The following CSMD2 variants were observed in gnomAD, a reference collection of about 807,000 sequenced individuals.
CSMD2 encodes CUB and sushi domain-containing protein 2.
CSMD2 carries 130 observed loss-of-function variants against 398.5 expected under a neutral mutation model. The observed-to-expected ratio is 0.33, with a 90% confidence interval of 0.28 to 0.38. The LOEUF (loss-of-function observed/expected upper bound fraction) is 0.38. CSMD2 is among the 10% of genes least tolerant of loss of function. CSMD2 has a pLI of 1.00. For synonymous variants in CSMD2, 1,828 were observed against 1,908.5 expected (o/e 0.96, Z 1.10); for missense variants, 3,829 against 4,764.9 (o/e 0.80, Z 5.78).
chr1:34,061,435 A>G (rs965024263), intron 2 of CSMD2, among the ~76,000 whole-genome samples: 3 of 152,142 alleles, frequency 2.0e-5, no homozygotes, highest in Non-Finnish European at 2.9e-5. Flanking sequence ...TCACCATGGA[A>G]GACCATGCCC....
At chr1:34,042,774 T>C (rs1652004139) in intron 2 of CSMD2, among the ~76,000 whole-genome samples, 1 of 152,098 alleles carries the variant, frequency 6.6e-6, no homozygotes, top group African/African-American at 2.4e-5. Context: ...CTTTGGTCTT[T>C]CCCCCTCTAC....
intron 21 of CSMD2, among the ~76,000 whole-genome samples, chr1:33,709,704 A>T (rs978898785): frequency 6.6e-6 from 1 of 152,206 alleles, no homozygotes; most frequent in African/African-American, 2.4e-5. Context: ...AGGGGGCAAG[A>T]TCACATCATA....
intron 55 of CSMD2, among the ~76,000 whole-genome samples, chr1:33,550,666 C>G (rs973672424): frequency 6.6e-6 from 1 of 152,178 alleles, no homozygotes; most frequent in East Asian, 1.9e-4. Context: ...TGTCTCTGGG[C>G]AGGAAGGTGG....
chr1:33,580,397 TTGCTGCA>T (rs2148723901), intron 48 of CSMD2, among the ~76,000 whole-genome samples: 1 of 152,352 alleles, frequency 6.6e-6, no homozygotes, highest in East Asian at 1.9e-4. Context: ...AGCCCATCCT[TTGCTGCA>T]TGCTTAACAT....
intron 3 of CSMD2, among the ~76,000 whole-genome samples, chr1:34,023,947 C>T (rs533049016): frequency 6.6e-6 from 1 of 151,356 alleles, no homozygotes; most frequent in African/African-American, 2.4e-5. Flanking sequence ...CTGTGCCAGG[C>T]ACTTGTCACG....
intron 3 of CSMD2, among the ~76,000 whole-genome samples, chr1:33,979,363 C>T (rs973388616): frequency 7.0e-6 from 1 of 143,290 alleles, no homozygotes; most frequent in Non-Finnish European, 1.6e-5. Flanking sequence ...CCTATGGCAT[C>T]TTTGAATTAA....
At chr1:34,102,266 A>G (rs1281897220) in intron 1 of CSMD2, among the ~76,000 whole-genome samples, 1 of 152,054 alleles carries the variant, frequency 6.6e-6, no homozygotes, top group Non-Finnish European at 1.5e-5. Flanking sequence ...TCCTGACCTC[A>G]TGATCCACCC....
At chr1:33,693,340 A>G (rs1645305494) in intron 24 of CSMD2, among the ~76,000 whole-genome samples, 1 of 152,236 alleles carries the variant, frequency 6.6e-6, no homozygotes, top group Non-Finnish European at 1.5e-5. Context: ...CAATACATAC[A>G]TGAAAAGATG....
At chr1:33,645,326 A>G (rs1643358105) in intron 29 of CSMD2, among the ~76,000 whole-genome samples, 2 of 145,898 alleles carry the variant, frequency 1.4e-5, no homozygotes, top group South Asian at 4.5e-4. Context: ...TAGAGTGTTT[A>G]GTACATATGG....
intron 2 of CSMD2, among the ~76,000 whole-genome samples, chr1:34,083,629 T>C (rs1203065499): frequency 6.6e-6 from 1 of 152,196 alleles, no homozygotes; most frequent in Non-Finnish European, 1.5e-5. Context: ...AATGACACAC[T>C]AGTAGACCGG....
At chr1:33,571,431 G>A in intron 51 of CSMD2, 101 bp downstream of exon 51, 1 of 869,502 alleles carries the variant, frequency 1.2e-6, no homozygotes, top group Non-Finnish European at 1.6e-6. Context: ...GCAATCCCTG[G>A]TGATACCCCT....
rs55933415 is a variant in CSMD2, at chr1:33,591,653, C to T, written c.6857-4485G>A. Among the ~76,000 whole-genome samples the T allele has an allele frequency of 9.3e-3, 1,413 of 152,214 alleles. 6 individuals are homozygous for T. Among genetic ancestry groups the T allele is most frequent in the Non-Finnish European group, 0.014 (922 of 68,002 alleles). On this transcript the variant is annotated intron_variant, in intron 44 of 70. Transcript: ENST00000373381. ...TATTTTCTTTTTAGAGACAGGTTCT[C>T]ATTCTGTCACCCAGGCTGGAGTGCA...
chr1:34,141,272 A>G (rs886078516), intron 1 of CSMD2, among the ~76,000 whole-genome samples: 5 of 152,040 alleles, frequency 3.3e-5, no homozygotes, highest in East Asian at 3.9e-4. Context: ...AGCCCCTACT[A>G]TGTGGAAGAC....
intron 2 of CSMD2, among the ~76,000 whole-genome samples, chr1:34,081,255 C>CCCCA (rs1404727781): frequency 6.6e-6 from 1 of 152,098 alleles, no homozygotes; most frequent in Non-Finnish European, 1.5e-5. Context: ...CTCTCCACAC[C>CCCCA]CCCAGAGTAG....
rs559725357 is a variant in CSMD2, at chr1:33,604,354, C to A, written c.6532+928G>T. On this transcript the variant is annotated intron_variant, in intron 42 of 70. Coordinates refer to ENST00000373381, the MANE Select transcript of CSMD2 (RefSeq NM_001281956.2). ...TAGAAATCATGGTTTTACATTCCAA[C>A]ACCAGAACGGCTCAGTTTCGCAAAC... Among the ~76,000 whole-genome samples, 5 of 152,340 alleles carry A rather than the reference C, an allele frequency of 3.3e-5. No individual in the cohort carries two copies. In the South Asian group the frequency reaches 1.0e-3, roughly 32 times the overall value.
Position 33,519,529 on chromosome 1 carries a change from T to G in CSMD2, c.10885A>C (p.Thr3629Pro). Residue 3629 changes from threonine to proline, a missense_variant, in exon 70 of 71, where the codon ACA (threonine) becomes CCA (proline). Thr to Pro is a conservative substitution (Grantham distance 38, BLOSUM62 -1). Around this residue, in one of 5 missense-constraint regions of CSMD2, gnomAD observed 917 missense variants for 1,199.5 expected, o/e 0.76. Coordinates refer to ENST00000373381, the MANE Select transcript of CSMD2 (RefSeq NM_001281956.2). The surrounding 1 kb of genome is among the most constrained non-coding windows in gnomAD (Gnocchi z 5.6). ...GCCAGGCCGGGTGGCTATACTGCTG[T>G]GCACACTGTGCTGACTGTGAACTCC... The part of the protein sequence containing the change: ...EAEFTVSTVC[T>P]AV The G allele has an allele frequency of 6.2e-7, 1 of 1,613,784 alleles. No homozygotes were observed. The highest frequency in any genetic ancestry group is 1.3e-5 in the African/African-American group (1 of 74,980).
intron 58 of CSMD2, among the ~76,000 whole-genome samples, chr1:33,541,880 T>C (rs1656378484): frequency 6.6e-6 from 1 of 152,148 alleles, no homozygotes; most frequent in African/African-American, 2.4e-5. Flanking sequence ...TGCTGAGGGG[T>C]ACATCTTATC....
rs542470520 is a variant in CSMD2 at position 34,140,321 on chromosome 1, A to C, written c.187+24590T>G. ...AAAAACAAACAAACAAACAAACAAA[A>C]AAAAACCCAGCGGCAGAAGAAAGCA... On this transcript the variant is annotated intron_variant, in intron 1 of 70. Coordinates refer to ENST00000373381, the MANE Select transcript of CSMD2 (RefSeq NM_001281956.2). Among the ~76,000 whole-genome samples the C allele has an allele frequency of 2.0e-4, 22 of 108,014 alleles. No individual in the cohort carries two copies. In the South Asian group the frequency reaches 2.1e-3, roughly 10 times the overall value. The allele number at this position is 108,014 out of a possible 152,430, so 70.9% of individuals were successfully genotyped here. A position where few individuals can be genotyped will look rare whatever the true frequency, so the allele number is the denominator to read the frequency against.
Position 33,819,841 on chromosome 1 carries a change from G to A in CSMD2, c.1200-4C>T. The A allele has an allele frequency of 6.2e-7, 1 of 1,613,980 alleles. No homozygotes were observed. Among genetic ancestry groups the A allele is most frequent in the Non-Finnish European group, 8.5e-7 (1 of 1,179,948 alleles). ...GAACTGGACGCTGGATCCTAACCTG[G>A]GAGACAAAGTGTGTCTGTGAGCTCC... On this transcript the variant is annotated splice_polypyrimidine_tract_variant and splice_region_variant and intron_variant, in intron 8 of 70. Transcript: ENST00000373381.
Sources: gnomAD v4.1 joint callset for allele counts (sites outside exome capture counted in the v4.1 genomes callset) on GRCh38, gnomAD v4.1.1 for gene constraint, gnomAD v4.1.1 regional missense constraint, Gnocchi (gnomAD v3.1) non-coding constraint, MANE v1.5 for transcripts, NCBI Gene and HGNC (gene_info 2026-07-23, HGNC 2026-07-21) for gene names.